MGAT4A: variants seen among roughly 807,000 people sequenced by gnomAD.
MGAT4A encodes the protein alpha-1,3-mannosyl-glycoprotein 4-beta-N-acetylglucosaminyltransferase A, also known as N-acetylglucosaminyltransferase IVa.
MGAT4A carries 33 observed loss-of-function variants against 74.1 expected under a neutral mutation model. The observed-to-expected ratio is 0.45, with a 90% confidence interval of 0.34 to 0.60. The LOEUF (loss-of-function observed/expected upper bound fraction) is 0.60. Ranked by LOEUF, MGAT4A falls within the 20% of genes least tolerant of loss-of-function variation. The pLI is 0.02. For synonymous variants in MGAT4A, 198 were observed against 210.4 expected, an observed-to-expected ratio of 0.94 and a Z score of 0.51; for missense variants, 479 against 628.3, an observed-to-expected ratio of 0.76 and a Z score of 2.54.
intron 2 of MGAT4A, among the ~76,000 whole-genome samples, chr2:98,678,700 T>C (rs972111196): frequency 3.3e-5 from 5 of 152,110 alleles, no homozygotes; most frequent in South Asian, 2.1e-4. Flanking sequence ...GCTCTTATTA[T>C]TGGTAAAAAT....
intron 14 of MGAT4A, among the ~76,000 whole-genome samples, chr2:98,632,459 G>A (rs1288321233): frequency 3.3e-5 from 5 of 152,226 alleles, no homozygotes; most frequent in African/African-American, 1.2e-4. Context: ...AGTTCTCCCT[G>A]TTAAACTTTC....
chr2:98,621,638 G>A lies in MGAT4A; in HGVS notation c.*3928C>T, dbSNP rs1701062392. ...GGGAGGATATTATACAAGGTCATTG[G>A]TGGGGGTGTCAGTAGGGGTCATTCT... On this transcript the variant is annotated 3_prime_UTR_variant, in exon 16 of 16. Coordinates refer to ENST00000393487, the MANE Select transcript of MGAT4A (RefSeq NM_012214.3). 1 of 1,470,310 alleles carries A rather than the reference G, an allele frequency of 6.8e-7. No homozygotes were observed. Among genetic ancestry groups the A allele is most frequent in the Admixed American group, 2.4e-5 (1 of 41,134 alleles). 91.1% of individuals were successfully genotyped at this position (1,470,310 alleles called of 1,614,324 possible).
At chr2:98,681,467 G>C (rs1702058727) in intron 2 of MGAT4A, among the ~76,000 whole-genome samples, 1 of 152,164 alleles carries the variant, frequency 6.6e-6, no homozygotes, top group South Asian at 2.1e-4. Context: ...GAAACCATGT[G>C]TTATATGGTT....
Position 98,636,535 on chromosome 2 carries a change from C to G in MGAT4A, c.1383G>C (p.Val461=). The change falls in exon 13 of 16, where the codon GTG becomes GTC. Residue 461 remains valine (V), a synonymous_variant. Transcript: ENST00000393487. ...HPGDILLNTT[V]EVLPFKSEGL... is the part of the protein sequence containing the mutation. The stretch of plus-strand genomic sequence containing the variant: ...GTCATACCTTAAAAGGCAAAACTTC[C>G]ACAGTTGTGTTTAGCAGAATATCTC... 6.2e-7 allele frequency: 1 copy of G among 1,613,626 alleles called. No individual in the cohort carries two copies.
chr2:98,643,130 T>C (rs1701436324), intron 10 of MGAT4A, among the ~76,000 whole-genome samples: 1 of 152,210 alleles, frequency 6.6e-6, no homozygotes, highest in South Asian at 2.1e-4. Context: ...TATAGTTTTT[T>C]TTCAGAGACA....
intron 4 of MGAT4A, among the ~76,000 whole-genome samples, chr2:98,672,010 T>C (rs1305550811): frequency 2.1e-5 from 3 of 145,506 alleles, no homozygotes; most frequent in African/African-American, 7.6e-5. Flanking sequence ...CACACCCCTC[T>C]TGACAACCTG....
chr2:98,715,429 T>C (rs945292174), intron 2 of MGAT4A, among the ~76,000 whole-genome samples: 2 of 151,906 alleles, frequency 1.3e-5, no homozygotes, highest in African/African-American at 4.8e-5. Context: ...GAAAGTTACA[T>C]TTGGAAAACA....
intron 10 of MGAT4A, among the ~76,000 whole-genome samples, chr2:98,641,343 A>C (rs1377357082): frequency 6.6e-6 from 1 of 152,032 alleles, no homozygotes; most frequent in African/African-American, 2.4e-5. Context: ...CAACGTGGTG[A>C]AACCCTGTCT....
chr2:98,713,805 A>G (rs1702552138), intron 2 of MGAT4A, among the ~76,000 whole-genome samples: 1 of 152,240 alleles, frequency 6.6e-6, no homozygotes, highest in East Asian at 1.9e-4. Context: ...TGCAATTAGC[A>G]TGACATGGGA....
At chr2:98,728,176 G>A (rs1702792327) in intron 1 of MGAT4A, among the ~76,000 whole-genome samples, 2 of 152,308 alleles carry the variant, frequency 1.3e-5, no homozygotes, top group South Asian at 4.1e-4. Context: ...CAAAGTGTAT[G>A]TTTATACAAC....
chr2:98,718,120 T>C, intron 2 of MGAT4A, among the ~76,000 whole-genome samples: 1 of 152,242 alleles, frequency 6.6e-6, no homozygotes. Context: ...TCTCAGAATA[T>C]ACTGTAGTCT....
rs563957799 is a variant in MGAT4A at position 98,640,205 on chromosome 2, T to C, written c.1044A>G (p.Ala348=). The change falls in exon 11 of 16, where the codon GCA becomes GCG. Residue 348 remains alanine, a synonymous_variant. Coordinates refer to ENST00000393487, the MANE Select transcript of MGAT4A (RefSeq NM_012214.3). ...AAGGTCTGAAGCGAATTCGCAGATT[T>C]GCTTTCTGTCTATCACAATGTTTCT... ...KDAKHCDRQK[A]NLRIRFRPSL... is the part of the protein sequence containing the mutation. 1 of 1,613,978 alleles carries C rather than the reference T, an allele frequency of 6.2e-7. No homozygotes were observed. Among genetic ancestry groups the C allele is most frequent in the South Asian group, 1.1e-5 (1 of 91,066 alleles).
At chr2:98,630,574 T>C (rs1448246920) in intron 14 of MGAT4A, among the ~76,000 whole-genome samples, 1 of 152,118 alleles carries the variant, frequency 6.6e-6, no homozygotes. Context: ...GTACTCAGCA[T>C]ATTATTATTA....
At chr2:98,686,018 G>A (rs772588765) in intron 2 of MGAT4A, among the ~76,000 whole-genome samples, 10 of 152,112 alleles carry the variant, frequency 6.6e-5, no homozygotes, top group Non-Finnish European at 1.3e-4. Context: ...GACAGGGGGC[G>A]CTCATTAAAA....
chr2:98,714,090 A>G (rs935068584), intron 2 of MGAT4A, among the ~76,000 whole-genome samples: 5 of 152,166 alleles, frequency 3.3e-5, no homozygotes, highest in Non-Finnish European at 5.9e-5. Flanking sequence ...AGTAAGAGCC[A>G]TATTTTTTTT....
chr2:98,698,986 G>C (rs1478045317), intron 2 of MGAT4A, among the ~76,000 whole-genome samples: 1 of 152,026 alleles, frequency 6.6e-6, no homozygotes, highest in South Asian at 2.1e-4. Flanking sequence ...CTTAACAGCA[G>C]GTTTGTCAGG....
intron 14 of MGAT4A, among the ~76,000 whole-genome samples, chr2:98,634,452 A>G (rs1163724032): frequency 1.3e-5 from 2 of 151,964 alleles, no homozygotes; most frequent in East Asian, 3.9e-4. Context: ...AGAATGAGAG[A>G]AAGTCACAGA....
At chr2:98,663,393 T>C (rs2104271818) in intron 4 of MGAT4A, 1 of 1,514,528 alleles carries the variant, frequency 6.6e-7, no homozygotes, top group South Asian at 1.3e-5. Flanking sequence ...AAAAAAGAAC[T>C]GATAAAAATG....
chr2:98,711,527 T>A (rs928015900), intron 2 of MGAT4A, among the ~76,000 whole-genome samples: 3 of 152,098 alleles, frequency 2.0e-5, no homozygotes, highest in Admixed American at 6.5e-5. Flanking sequence ...CCCATAGTAT[T>A]GCTAATTAAT....
Sources: allele counts gnomAD v4.1 joint callset (sites outside exome capture counted in the v4.1 genomes callset), GRCh38; gene constraint gnomAD v4.1.1; transcripts MANE v1.5; gene names NCBI Gene and HGNC (gene_info 2026-07-23, HGNC 2026-07-21).